The following ARHGAP24 variants were observed in gnomAD, a reference collection of about 807,000 sequenced individuals.
ARHGAP24 encodes the protein rho GTPase-activating protein 24.
A neutral mutation model predicts 76.4 loss-of-function variants in ARHGAP24; 50 were observed. That is an observed-to-expected ratio of 0.65 (90% CI 0.52 to 0.83). ARHGAP24 has a LOEUF of 0.83. Among genes scored for constraint, ARHGAP24 ranks in the 40% least tolerant of loss-of-function variants. ARHGAP24 has a pLI of 0.00. For missense variants in ARHGAP24, 930 were observed against 914.2 expected (o/e 1.02, Z -0.22); for synonymous variants, 345 against 323.3 (o/e 1.07, Z -0.72).
Position 85,731,836 on chromosome 4 carries a change from CACA to C in ARHGAP24, c.268+9868_268+9870del, listed in dbSNP as rs1428202181. 2.6e-5 allele frequency among the ~76,000 whole-genome samples: 4 copies of C among 152,150 alleles called. No individual in the cohort carries two copies. In the East Asian group the frequency reaches 7.7e-4, roughly 29 times the overall value. ...TACTCACTATACATTATATATATTT[CACA>C]ACATCACTAAGTACCCCATAAATAT... On this transcript the variant is annotated intron_variant, in intron 3 of 9. Transcript: ENST00000395184.
chr4:85,633,753 T>C (rs1443312792), intron 2 of ARHGAP24, among the ~76,000 whole-genome samples: 3 of 151,988 alleles, frequency 2.0e-5, no homozygotes, highest in Admixed American at 6.6e-5. Context: ...GACATACTTT[T>C]AGGGCAGGTA....
In ARHGAP24 at chr4:85,995,240, T is replaced by C. The variant is rs568903695; in HGVS notation, c.1586T>C (p.Leu529Pro). Residue 529 changes from leucine (L) to proline (P), a missense_variant, in exon 9 of 10, where the codon CTG becomes CCG. Coordinates refer to ENST00000395184, the MANE Select transcript of ARHGAP24 (RefSeq NM_001025616.3). Reference protein sequence around the residue: ...QAGELGQHNRLSTYDNVHQQF... With the variant: ...QAGELGQHNRPSTYDNVHQQF... ...GGAGAGTTAGGCCAGCACAACAGAC[T>C]GTCCACCTATGATAATGTCCATCAA... 1.2e-6 allele frequency: 2 copies of C among 1,614,030 alleles called. No homozygotes were observed. The highest frequency in any genetic ancestry group is 1.7e-6 in the Non-Finnish European group (2 of 1,180,020).
At chr4:85,987,738 A>C (rs750354987) in intron 8 of ARHGAP24, among the ~76,000 whole-genome samples, 69 of 152,120 alleles carry the variant, frequency 4.5e-4, no homozygotes, top group Non-Finnish European at 9.3e-4. Flanking sequence ...GACTTATAAA[A>C]ATTTTGTCTT....
chr4:85,861,031 CT>C (rs2110176395), intron 3 of ARHGAP24, among the ~76,000 whole-genome samples: 1 of 151,612 alleles, frequency 6.6e-6, no homozygotes, highest in East Asian at 1.9e-4. Context: ...CACACACACT[CT>C]TTCAAACATA....
At chr4:85,810,314 A>G (rs1041266045) in intron 3 of ARHGAP24, among the ~76,000 whole-genome samples, 1 of 152,068 alleles carries the variant, frequency 6.6e-6, no homozygotes, top group African/African-American at 2.4e-5. Context: ...TATCCTGAGT[A>G]AGGATAGTGC....
At chr4:85,937,532 A>G (rs1174537586) in intron 4 of ARHGAP24, among the ~76,000 whole-genome samples, 2 of 152,232 alleles carry the variant, frequency 1.3e-5, no homozygotes, top group Non-Finnish European at 2.9e-5. Context: ...CTAGTAGAGT[A>G]ACTGTATCAG....
intron 3 of ARHGAP24, among the ~76,000 whole-genome samples, chr4:85,760,730 C>T (rs1167315870): frequency 6.6e-6 from 1 of 152,170 alleles, no homozygotes; most frequent in South Asian, 2.1e-4. Flanking sequence ...ACAGAAGGCC[C>T]GGAGCCAAAA....
Position 85,923,801 on chromosome 4 carries a change from G to T in ARHGAP24, c.391+31G>T, listed in dbSNP as rs1735867788. On this transcript the variant is annotated intron_variant, in intron 4 of 9. Transcript: ENST00000395184. ...TGTACTTTAAAATCATGGAAAAACA[G>T]AAAGGTAGACCAAACCTGTTCATCC... is the stretch of plus-strand genomic sequence containing the variant. 8 of 1,613,584 alleles carry T rather than the reference G, an allele frequency of 5.0e-6. No homozygotes were observed. In the East Asian group the frequency reaches 1.8e-4, roughly 36 times the overall value.
At chr4:85,717,965 C>A (rs1724792181) in intron 2 of ARHGAP24, among the ~76,000 whole-genome samples, 2 of 152,048 alleles carry the variant, frequency 1.3e-5, no homozygotes, top group Non-Finnish European at 2.9e-5. Flanking sequence ...AGATTGGGCA[C>A]CTGACTTGTA....
chr4:85,649,585 G>T (rs778137521), intron 2 of ARHGAP24, among the ~76,000 whole-genome samples: 1 of 152,122 alleles, frequency 6.6e-6, no homozygotes, highest in African/African-American at 2.4e-5. Context: ...CCATTAGAAA[G>T]TCCTTGACTC....
At chr4:85,614,232 C>G (rs1241658547) in intron 2 of ARHGAP24, among the ~76,000 whole-genome samples, 1 of 152,066 alleles carries the variant, frequency 6.6e-6, no homozygotes, top group African/African-American at 2.4e-5. Flanking sequence ...GAGTGATAGA[C>G]ACTATGGAGA....
chr4:85,612,908 C>T (rs770734589), intron 2 of ARHGAP24, among the ~76,000 whole-genome samples: 50 of 148,786 alleles, frequency 3.4e-4, no homozygotes, highest in Admixed American at 5.5e-4. Flanking sequence ...AAGCAATTCA[C>T]CCACCTCAGC....
chr4:85,768,594 G>A lies in ARHGAP24; in HGVS notation c.268+46622G>A, dbSNP rs539882898. On this transcript the variant is annotated intron_variant, in intron 3 of 9. Coordinates refer to ENST00000395184, the MANE Select transcript of ARHGAP24 (RefSeq NM_001025616.3). The stretch of plus-strand genomic sequence containing the variant: ...TCTACTAAAAACACAAAAATTAGCC[G>A]GGCATGGTGGCGCGCACCTGTAAAA... 3.2e-4 allele frequency among the ~76,000 whole-genome samples: 49 copies of A among 151,972 alleles called. 1 individual carries two copies. Among genetic ancestry groups the A allele is most frequent in the Non-Finnish European group, 5.3e-4 (36 of 67,944 alleles).
chr4:85,879,805 G>T (rs925696092), intron 3 of ARHGAP24, among the ~76,000 whole-genome samples: 15 of 151,722 alleles, frequency 9.9e-5, no homozygotes, highest in African/African-American at 3.4e-4. Flanking sequence ...AGCCTTTTTG[G>T]CACCAGGGAC....
intron 3 of ARHGAP24, among the ~76,000 whole-genome samples, chr4:85,875,452 A>G (rs1300185106): frequency 3.8e-5 from 2 of 52,226 alleles, no homozygotes; most frequent in Non-Finnish European, 7.0e-5. Flanking sequence ...TTTATCTTAT[A>G]TATTATATTA....
chr4:85,812,835 G>A (rs1412834416), intron 3 of ARHGAP24, among the ~76,000 whole-genome samples: 1 of 152,172 alleles, frequency 6.6e-6, no homozygotes, highest in Non-Finnish European at 1.5e-5. Flanking sequence ...ATAACAACAA[G>A]GAACTGAATC....
chr4:85,919,091 TG>T (rs2148807673), intron 3 of ARHGAP24, among the ~76,000 whole-genome samples: 1 of 152,308 alleles, frequency 6.6e-6, no homozygotes, highest in East Asian at 1.9e-4. Flanking sequence ...GATTGAAGAC[TG>T]GGAAACTCTC....
At chr4:85,981,160 C>T (rs1384088616) in intron 8 of ARHGAP24, among the ~76,000 whole-genome samples, 2 of 152,184 alleles carry the variant, frequency 1.3e-5, no homozygotes, top group Non-Finnish European at 2.9e-5. Context: ...ATTTGAGCAG[C>T]ACTAACTGAT....
intron 2 of ARHGAP24, among the ~76,000 whole-genome samples, chr4:85,582,168 C>G (rs1256972016): frequency 6.6e-6 from 1 of 152,042 alleles, no homozygotes; most frequent in Non-Finnish European, 1.5e-5. Flanking sequence ...TTAGAGTATC[C>G]TATGGGAAAA....
Sources: gnomAD v4.1 joint callset for allele counts (sites outside exome capture counted in the v4.1 genomes callset) on GRCh38, gnomAD v4.1.1 for gene constraint, MANE v1.5 for transcripts, NCBI Gene and HGNC (gene_info 2026-07-23, HGNC 2026-07-21) for gene names.